Variants in PBX1 observed in about 807,000 individuals in gnomAD.
PBX1 encodes pre-B-cell leukemia transcription factor 1.
In PBX1, 6 loss-of-function variants were observed where a neutral mutation model predicts 53.4. The observed-to-expected ratio is 0.11, with a 90% CI of 0.06 to 0.22. The LOEUF is 0.22. Ranked by LOEUF, PBX1 falls within the 10% of genes least tolerant of loss-of-function variation. The pLI is 1.00. For missense variants in PBX1, 251 were observed against 551.4 expected (o/e 0.46, Z 5.46); for synonymous variants, 204 against 212.3 (o/e 0.96, Z 0.34).
intron 2 of PBX1, among the ~76,000 whole-genome samples, chr1:164,673,832 C>A (rs551994726): frequency 2.0e-5 from 3 of 152,118 alleles, no homozygotes; most frequent in Non-Finnish European, 4.4e-5. Flanking sequence ...GGGGGCAGAG[C>A]GACAGACTTG....
chr1:164,773,318 G>C (rs759667195), intron 2 of PBX1, among the ~76,000 whole-genome samples: 8 of 149,910 alleles, frequency 5.3e-5, no homozygotes, highest in Non-Finnish European at 8.9e-5. Context: ...CTGTCAGATC[G>C]TAACCTGATA....
At chr1:164,634,325 C>T (rs1254870966) in intron 2 of PBX1, among the ~76,000 whole-genome samples, 1 of 152,198 alleles carries the variant, frequency 6.6e-6, no homozygotes, top group Admixed American at 6.5e-5. Flanking sequence ...GGCCCCACAC[C>T]AGCTGACACT....
At chr1:164,800,913 A>C (rs1669037916) in intron 4 of PBX1, among the ~76,000 whole-genome samples, 1 of 152,176 alleles carries the variant, frequency 6.6e-6, no homozygotes, top group South Asian at 2.1e-4. Flanking sequence ...CAATGAGATA[A>C]AACAATTTAT....
chr1:164,706,716 G>A (rs945162438), intron 2 of PBX1, among the ~76,000 whole-genome samples: 17 of 152,136 alleles, frequency 1.1e-4, no homozygotes, highest in Admixed American at 2.0e-4. Context: ...TTAAGTAACA[G>A]TGAGAACCAG....
chr1:164,736,606 T>C (rs1350173576), intron 2 of PBX1, among the ~76,000 whole-genome samples: 1 of 151,598 alleles, frequency 6.6e-6, no homozygotes, highest in African/African-American at 2.4e-5. Flanking sequence ...CTCCAGAAAA[T>C]ACATAGATTT....
chr1:164,662,384 C>A (rs1385440502), intron 2 of PBX1, among the ~76,000 whole-genome samples: 1 of 152,192 alleles, frequency 6.6e-6, no homozygotes, highest in Non-Finnish European at 1.5e-5. Flanking sequence ...TGACCAGACT[C>A]TGGGCCTTCT....
At chr1:164,560,098 C>T in intron 1 of PBX1, 85 bp downstream of exon 1, 1 of 1,008,316 alleles carries the variant, frequency 9.9e-7, no homozygotes, top group South Asian at 2.4e-5. Context: ...ACCGAATCAC[C>T]ACAGCGCTTT....
intron 2 of PBX1, among the ~76,000 whole-genome samples, chr1:164,708,257 A>G (rs1007040568): frequency 2.6e-5 from 4 of 152,202 alleles, no homozygotes; most frequent in Non-Finnish European, 2.9e-5. Flanking sequence ...TGACTACTGT[A>G]GTAGCTGTGT....
chr1:164,826,537 C>T (rs950128787), intron 8 of PBX1, among the ~76,000 whole-genome samples: 1 of 151,858 alleles, frequency 6.6e-6, no homozygotes, highest in East Asian at 1.9e-4. Context: ...CCTAAGTAGC[C>T]GGGATTACAG....
intron 8 of PBX1, among the ~76,000 whole-genome samples, chr1:164,835,453 T>C (rs1479063236): frequency 6.6e-6 from 1 of 152,194 alleles, no homozygotes; most frequent in Non-Finnish European, 1.5e-5. Flanking sequence ...TAACAGTTTC[T>C]GGTAGTTTCC....
chr1:164,705,737 A>G (rs572468672), intron 2 of PBX1, among the ~76,000 whole-genome samples: 55 of 152,358 alleles, frequency 3.6e-4, no homozygotes, highest in Non-Finnish European at 5.9e-4. Context: ...CTCATTTGAC[A>G]AGTTCAATTT....
intron 8 of PBX1, among the ~76,000 whole-genome samples, chr1:164,830,104 T>A (rs374674470): frequency 6.6e-6 from 1 of 152,220 alleles, no homozygotes; most frequent in African/African-American, 2.4e-5. Context: ...ATTTGGTAAC[T>A]GTAACTTGGT....
At chr1:164,653,974 T>G (rs764047069) in intron 2 of PBX1, among the ~76,000 whole-genome samples, 1 of 152,248 alleles carries the variant, frequency 6.6e-6, no homozygotes, top group Non-Finnish European at 1.5e-5. Context: ...TTATTTGATT[T>G]TAAAATTCTG....
intron 2 of PBX1, among the ~76,000 whole-genome samples, chr1:164,603,083 A>G (rs939198000): frequency 2.7e-5 from 4 of 150,038 alleles, no homozygotes; most frequent in African/African-American, 9.8e-5. Flanking sequence ...CTTCTTCCAT[A>G]CCCACTCCAC....
chr1:164,668,511 G>A (rs1039268769), intron 2 of PBX1, among the ~76,000 whole-genome samples: 1 of 152,110 alleles, frequency 6.6e-6, no homozygotes, highest in African/African-American at 2.4e-5. Flanking sequence ...GCCCTGCTGG[G>A]CTGTCTCCTG....
At chr1:164,759,152 C>T (rs934594455) in intron 2 of PBX1, among the ~76,000 whole-genome samples, 1 of 152,156 alleles carries the variant, frequency 6.6e-6, no homozygotes, top group Admixed American at 6.5e-5. Context: ...GTTTATCCTA[C>T]TATCTAAAAA....
intron 2 of PBX1, among the ~76,000 whole-genome samples, chr1:164,867,063 A>G (rs1278515947): frequency 1.3e-5 from 2 of 152,218 alleles, no homozygotes; most frequent in East Asian, 1.9e-4. Flanking sequence ...TGGAGATTAG[A>G]AAATTTATTA....
At chr1:164,825,715 A>C (rs901050120) in intron 8 of PBX1, among the ~76,000 whole-genome samples, 8 of 152,232 alleles carry the variant, frequency 5.3e-5, no homozygotes, top group African/African-American at 1.9e-4. Flanking sequence ...TATTGCAGAC[A>C]TAATTATCCT....
At chr1:164,829,788 A>T (rs895726921) in intron 8 of PBX1, 8 of 145,022 alleles carry the variant, frequency 5.5e-5, no homozygotes, top group African/African-American at 2.0e-4. Flanking sequence ...TTGGAAATTA[A>T]AAAAAAAAAA....
Sources: gnomAD v4.1 joint callset for allele counts (sites outside exome capture counted in the v4.1 genomes callset) on GRCh38, gnomAD v4.1.1 for gene constraint, MANE v1.5 for transcripts, NCBI Gene and HGNC (gene_info 2026-07-23, HGNC 2026-07-21) for gene names.